BICDL1: variants seen among roughly 807,000 people sequenced by gnomAD.
The protein encoded by BICDL1 is BICD family-like cargo adapter 1.
Under a neutral mutation model 76.8 loss-of-function variants are expected in BICDL1, and 20 were observed. The observed-to-expected ratio is 0.26, with a 90% CI of 0.18 to 0.38. The LOEUF (loss-of-function observed/expected upper bound fraction) is 0.38, where lower values mean the gene tolerates loss of function less well. Ranked by LOEUF, BICDL1 falls within the 10% of genes least tolerant of loss-of-function variation. The probability of loss-of-function intolerance (pLI) is 1.00; values close to 1 mark genes in which losing one functional copy is unlikely to be tolerated. For missense variants in BICDL1, 700 were observed against 798.6 expected (o/e 0.88, Z 1.49); for synonymous variants, 383 against 337.1 (o/e 1.14, Z -1.49).
Position 119,990,221 on chromosome 12 carries a change from A to C in BICDL1, c.353A>C (p.Lys118Thr). 1 of 1,573,028 alleles carries C rather than the reference A, an allele frequency of 6.4e-7. No individual in the cohort carries two copies. The highest frequency in any genetic ancestry group is 1.7e-4 in the Middle Eastern group (1 of 6,020). The change falls in exon 1 of 10, where the codon AAG (lysine) becomes ACG (threonine). Residue 118 changes from lysine (K) to threonine (T), a missense_variant. Transcript: ENST00000548673. ...KDLVLAARLG[K>T]ALLERNQDMS... is the part of the protein sequence containing the mutation. ...CTGGTGTTGGCGGCCCGGCTGGGTA[A>C]GGCGCTGCTCGAGAGGAACCAGGAC...
intron 1 of BICDL1, among the ~76,000 whole-genome samples, chr12:119,998,020 A>G (rs987273920): frequency 2.0e-5 from 3 of 152,168 alleles, no homozygotes; most frequent in African/African-American, 4.8e-5. Context: ...AAGCTGAGGC[A>G]TGAGAATTGC....
chr12:120,091,234 C>A, intron 9 of BICDL1: 1 of 1,155,814 alleles, frequency 8.7e-7, no homozygotes, highest in Non-Finnish European at 1.1e-6. Context: ...CGGCTGGTGC[C>A]GTCTTCTCAT....
intron 2 of BICDL1, among the ~76,000 whole-genome samples, chr12:120,048,323 C>A (rs527733371): frequency 4.2e-4 from 64 of 152,232 alleles, no homozygotes; most frequent in Non-Finnish European, 7.9e-4. Context: ...AATACAACCT[C>A]CATATTTGCA....
intron 8 of BICDL1, among the ~76,000 whole-genome samples, chr12:120,083,187 A>G (rs926203653): frequency 5.9e-5 from 9 of 152,152 alleles, no homozygotes; most frequent in African/African-American, 2.2e-4. Flanking sequence ...TCATAAACAC[A>G]TTGTCTTACA....
At chr12:120,020,872 T>C (rs1262140026) in intron 2 of BICDL1, among the ~76,000 whole-genome samples, 1 of 152,236 alleles carries the variant, frequency 6.6e-6, no homozygotes, top group African/African-American at 2.4e-5. Flanking sequence ...GCTGTGTTCT[T>C]GTGAAAATTA....
chr12:120,077,479 C>T lies in BICDL1; in HGVS notation c.1452+2893C>T, dbSNP rs17413912. Among the ~76,000 whole-genome samples the T allele has an allele frequency of 7.0e-3, 972 of 139,692 alleles. 5 individuals are homozygous for T. Among genetic ancestry groups the T allele is most frequent in the South Asian group, 0.024 (96 of 4,080 alleles). The allele number at this position is 139,692 out of a possible 152,430, so 91.6% of individuals were successfully genotyped here. On this transcript the variant is annotated intron_variant, in intron 7 of 9. Transcript: ENST00000548673. ...AGTCTGTAGAATATGAACACGTTAT[C>T]GGTGAGGCCCTCAGCCAGTTCTCAG...
chr12:120,017,270 C>G (rs184532110), intron 2 of BICDL1, among the ~76,000 whole-genome samples: 2 of 152,246 alleles, frequency 1.3e-5, no homozygotes, highest in Non-Finnish European at 2.9e-5. Flanking sequence ...GATTTATATT[C>G]TAGAATCAAA....
chr12:119,998,622 A>G lies in BICDL1; in HGVS notation c.531A>G (p.Leu177=), dbSNP rs1441433054. ...VSELESDVKQ[L]QDELERQQIH... is the part of the protein sequence containing the mutation. ...AGCTGGAGAGTGATGTGAAGCAGCT[A>G]CAGGATGAGTTGGAGAGGCAGCAGA... The change falls in exon 2 of 10, where the codon CTA becomes CTG. Residue 177 remains leucine (L), a synonymous_variant. Coordinates refer to ENST00000548673, the MANE Select transcript of BICDL1 (RefSeq NM_001367886.1). 5.6e-6 allele frequency: 9 copies of G among 1,613,974 alleles called. No homozygotes were observed. Among genetic ancestry groups the G allele is most frequent in the Admixed American group, 5.0e-5 (3 of 59,990 alleles).
chr12:120,018,518 G>T (rs1353811472), intron 2 of BICDL1, among the ~76,000 whole-genome samples: 1 of 152,098 alleles, frequency 6.6e-6, no homozygotes, highest in Admixed American at 6.5e-5. Context: ...TGAAGTCAGG[G>T]TATATTTCAT....
At position 119,998,412 on chromosome 12, in the gene BICDL1, T is replaced by C. The variant is rs1951695343; in HGVS notation, c.430-109T>C. ...AACTTGTCCTATGTGGTAGGGTGTT[T>C]TATTGTGTCTACTGACTAGGAAAAA... is the stretch of plus-strand genomic sequence containing the variant. On this transcript the variant is annotated intron_variant, in intron 1 of 9. Coordinates refer to ENST00000548673, the MANE Select transcript of BICDL1 (RefSeq NM_001367886.1). 3 of 877,076 alleles carry C rather than the reference T, an allele frequency of 3.4e-6. No individual in the cohort carries two copies. In the Admixed American group the frequency reaches 9.2e-5, roughly 27 times the overall value. 54.3% of individuals were successfully genotyped at this position (877,076 alleles called of 1,614,324 possible).
rs954892859 is a variant in BICDL1, at chr12:120,094,149, G to C, written c.*988G>C. 2.3e-6 allele frequency: 1 copy of C among 444,218 alleles called. No individual in the cohort carries two copies. Among genetic ancestry groups the C allele is most frequent in the Non-Finnish European group, 4.6e-6 (1 of 219,246 alleles). 27.5% of individuals were successfully genotyped at this position (444,218 alleles called of 1,614,324 possible). A position where few individuals can be genotyped will look rare whatever the true frequency, so the allele number is the denominator to read the frequency against. ...AGATGCTGCCTGCCTGCCTGCAGAA[G>C]CCTGCAGTGGCTGCTGCTCCTGCCT... On this transcript the variant is annotated 3_prime_UTR_variant, in exon 10 of 10. Transcript: ENST00000548673.
chr12:120,074,916 C>T (rs1030837570), intron 7 of BICDL1, among the ~76,000 whole-genome samples: 3 of 152,200 alleles, frequency 2.0e-5, no homozygotes, highest in African/African-American at 4.8e-5. Flanking sequence ...CCAGCAGTTG[C>T]TGGGCAGGGA....
intron 2 of BICDL1, among the ~76,000 whole-genome samples, chr12:120,020,031 T>A (rs1952147141): frequency 6.6e-6 from 1 of 152,206 alleles, no homozygotes; most frequent in Non-Finnish European, 1.5e-5. Flanking sequence ...TATCTTTTTT[T>A]TCTTAGTTCT....
Position 120,071,725 on chromosome 12 carries a change from C to T in BICDL1, c.1013C>T (p.Ala338Val). 1 of 1,612,368 alleles carries T rather than the reference C, an allele frequency of 6.2e-7. No homozygotes were observed. Among genetic ancestry groups the T allele is most frequent in the Non-Finnish European group, 8.5e-7 (1 of 1,179,866 alleles). Residue 338 changes from alanine (A) to valine (V), a missense_variant, in exon 5 of 10, where the codon GCC becomes GTC. Coordinates refer to ENST00000548673, the MANE Select transcript of BICDL1 (RefSeq NM_001367886.1). The surrounding 1 kb of genome is among the most constrained non-coding windows in gnomAD (Gnocchi z 4.8). Reference protein sequence around the residue: ...LTEERSLQSSAATSTSLLSEI... With the variant: ...LTEERSLQSSVATSTSLLSEI... ...GAGGAGAGGAGTCTGCAGAGCTCTG[C>T]CGCCACCAGCACATCCCTCCTGTCA... is the stretch of plus-strand genomic sequence containing the variant.
chr12:120,055,020 A>G (rs1003637326), intron 2 of BICDL1, among the ~76,000 whole-genome samples: 4 of 152,142 alleles, frequency 2.6e-5, no homozygotes, highest in Non-Finnish European at 4.4e-5. Flanking sequence ...TTTTTAAAAT[A>G]CCCATATTCT....
At chr12:120,052,796 A>G (rs1952890976) in intron 2 of BICDL1, among the ~76,000 whole-genome samples, 1 of 152,202 alleles carries the variant, frequency 6.6e-6, no homozygotes, top group African/African-American at 2.4e-5. Context: ...TTTTTGAGAC[A>G]GAGTCTCGCT....
At chr12:120,058,617 G>C (rs994834506) in intron 2 of BICDL1, among the ~76,000 whole-genome samples, 14 of 146,140 alleles carry the variant, frequency 9.6e-5, no homozygotes, top group Non-Finnish European at 1.9e-4. Context: ...TTGAGACAGA[G>C]TCTTGCCCTG....
In BICDL1 at chr12:120,093,479, ACCCAACAGATCGCAGCCCACC is replaced by A; in HGVS notation, c.*323_*343del. 2.9e-6 allele frequency: 1 copy of A among 345,582 alleles called. No homozygotes were observed. The highest frequency in any genetic ancestry group is 5.5e-6 in the Non-Finnish European group (1 of 183,034). The allele number at this position is 345,582 out of a possible 1,614,324, so 21.4% of individuals were successfully genotyped here. ...CTTGGTGTTGGGCTTTGCAGCTCAC[ACCCAACAGATCGCAGCCCACC>A]CCCAGGCACTGCTGCCTCCTTGATT... On this transcript the variant is annotated 3_prime_UTR_variant, in exon 10 of 10. Coordinates refer to ENST00000548673, the MANE Select transcript of BICDL1 (RefSeq NM_001367886.1).
At chr12:120,075,222 T>C (rs1242930660) in intron 7 of BICDL1, among the ~76,000 whole-genome samples, 1 of 152,124 alleles carries the variant, frequency 6.6e-6, no homozygotes, top group Non-Finnish European at 1.5e-5. Flanking sequence ...GTAGAGGTTC[T>C]GTGCTGCTTG....
Sources: gnomAD v4.1 joint callset for allele counts (sites outside exome capture counted in the v4.1 genomes callset) on GRCh38, gnomAD v4.1.1 for gene constraint, Gnocchi (gnomAD v3.1) non-coding constraint, MANE v1.5 for transcripts, NCBI Gene and HGNC (gene_info 2026-07-23, HGNC 2026-07-21) for gene names.